The following FAM135B variants were observed in gnomAD, a reference collection of about 807,000 sequenced individuals.
FAM135B encodes the protein family with sequence similarity 135 member B.
Under a neutral mutation model 127.7 loss-of-function variants are expected in FAM135B, and 43 were observed. That is an observed-to-expected ratio of 0.34 (90% CI 0.26 to 0.43). The LOEUF (loss-of-function observed/expected upper bound fraction) is 0.43. FAM135B is among the 20% of genes least tolerant of loss of function. The pLI is 1.00. For synonymous variants in FAM135B, 670 were observed against 665.1 expected (o/e 1.01, Z -0.11); for missense variants, 1,558 against 1,725.6 (o/e 0.90, Z 1.72).
intron 12 of FAM135B, among the ~76,000 whole-genome samples, chr8:138,155,277 C>A (rs1326395236): frequency 3.9e-5 from 6 of 152,186 alleles, no homozygotes; most frequent in Non-Finnish European, 5.9e-5. Context: ...GCCTGCCTTA[C>A]AAGAGCTCCT....
chr8:138,371,472 C>T (rs1359396563), intron 1 of FAM135B, among the ~76,000 whole-genome samples: 1 of 152,104 alleles, frequency 6.6e-6, no homozygotes, highest in African/African-American at 2.4e-5. Flanking sequence ...AAAGACTGTC[C>T]AGGAAAGTCC....
intron 3 of FAM135B, among the ~76,000 whole-genome samples, chr8:138,292,816 C>G (rs1825211594): frequency 1.3e-5 from 2 of 151,884 alleles, no homozygotes; most frequent in South Asian, 4.2e-4. Context: ...TGAAAATGAC[C>G]ATTTGAAACT....
intron 3 of FAM135B, among the ~76,000 whole-genome samples, chr8:138,301,771 C>T (rs2130847934): frequency 6.6e-6 from 1 of 152,322 alleles, no homozygotes; most frequent in South Asian, 2.1e-4. Context: ...GTTAAAAAGA[C>T]CTGGATGACT....
intron 2 of FAM135B, among the ~76,000 whole-genome samples, chr8:138,350,943 C>G (rs1226766664): frequency 6.6e-6 from 1 of 152,156 alleles, no homozygotes; most frequent in African/African-American, 2.4e-5. Flanking sequence ...TCCCCAAAGT[C>G]ATCATTCACC....
intron 3 of FAM135B, among the ~76,000 whole-genome samples, chr8:138,309,185 G>A (rs985873824): frequency 6.6e-6 from 1 of 152,170 alleles, no homozygotes. Context: ...ACGCAGGGCA[G>A]GGTCCAAATC....
intron 1 of FAM135B, among the ~76,000 whole-genome samples, chr8:138,395,405 C>G (rs1414576684): frequency 6.6e-6 from 1 of 152,018 alleles, no homozygotes; most frequent in African/African-American, 2.4e-5. Context: ...AGCCAGAGAG[C>G]TACAGAACCA....
intron 12 of FAM135B, among the ~76,000 whole-genome samples, chr8:138,156,694 T>C (rs191455861): frequency 1.1e-3 from 169 of 152,228 alleles, no homozygotes; most frequent in Admixed American, 4.3e-3. Context: ...CTAGAAAATA[T>C]AGAAGAAATG....
intron 1 of FAM135B, among the ~76,000 whole-genome samples, chr8:138,423,877 A>G (rs1409384119): frequency 1.3e-5 from 2 of 152,108 alleles, no homozygotes; most frequent in African/African-American, 4.8e-5. Context: ...TTAGAGGCCT[A>G]CCCTCAGGGG....
intron 1 of FAM135B, among the ~76,000 whole-genome samples, chr8:138,455,371 T>C (rs1836717439): frequency 6.6e-6 from 1 of 152,214 alleles, no homozygotes; most frequent in Non-Finnish European, 1.5e-5. Context: ...ATATTCTTCA[T>C]GTTCCAAGTA....
intron 5 of FAM135B, among the ~76,000 whole-genome samples, chr8:138,252,058 G>T (rs1389905543): frequency 6.6e-6 from 1 of 152,202 alleles, no homozygotes; most frequent in Non-Finnish European, 1.5e-5. Flanking sequence ...TTAGAGCTCA[G>T]GGTGACTCCA....
intron 3 of FAM135B, among the ~76,000 whole-genome samples, chr8:138,302,376 T>C (rs779239559): frequency 3.9e-5 from 6 of 152,058 alleles, no homozygotes; most frequent in Non-Finnish European, 7.4e-5. Flanking sequence ...TTGTCCCTCA[T>C]CCCTAGATTT....
chr8:138,281,393 T>C (rs1341360958), intron 3 of FAM135B, among the ~76,000 whole-genome samples: 1 of 152,080 alleles, frequency 6.6e-6, no homozygotes, highest in Non-Finnish European at 1.5e-5. Flanking sequence ...CTCTACTGGC[T>C]GTTTTCATTT....
intron 7 of FAM135B, among the ~76,000 whole-genome samples, chr8:138,214,374 T>A (rs1309303653): frequency 6.6e-6 from 1 of 152,222 alleles, no homozygotes; most frequent in African/African-American, 2.4e-5. Context: ...TATTCAAGAA[T>A]CACTTATTGG....
intron 1 of FAM135B, among the ~76,000 whole-genome samples, chr8:138,467,544 C>T (rs1053956444): frequency 2.6e-5 from 4 of 152,164 alleles, no homozygotes; most frequent in African/African-American, 9.7e-5. Context: ...GACAGTATTG[C>T]CTTAGACCTC....
intron 9 of FAM135B, among the ~76,000 whole-genome samples, chr8:138,195,019 C>T (rs1336881168): frequency 6.6e-6 from 1 of 152,096 alleles, no homozygotes; most frequent in African/African-American, 2.4e-5. Flanking sequence ...GCCTAAGCTT[C>T]GGGGAAACAA....
At chr8:138,407,673 A>G (rs1482659011) in intron 1 of FAM135B, among the ~76,000 whole-genome samples, 1 of 152,220 alleles carries the variant, frequency 6.6e-6, no homozygotes, top group Non-Finnish European at 1.5e-5. Context: ...TTCCCTATTT[A>G]ATAAATGGTG....
chr8:138,486,458 C>T (rs1270105208), intron 1 of FAM135B, among the ~76,000 whole-genome samples: 3 of 152,172 alleles, frequency 2.0e-5, no homozygotes, highest in Non-Finnish European at 4.4e-5. Context: ...ACTGAGCTGG[C>T]ACTCTATCAC....
At chr8:138,138,944 A>G in intron 18 of FAM135B, 42 bp downstream of exon 18, 1 of 1,240,314 alleles carries the variant, frequency 8.1e-7, no homozygotes, top group East Asian at 2.3e-5. Context: ...GTTGAATCCC[A>G]AGCTCAAACT....
At chr8:138,368,538 C>T (rs1205576921) in intron 1 of FAM135B, among the ~76,000 whole-genome samples, 2 of 152,018 alleles carry the variant, frequency 1.3e-5, no homozygotes, top group Admixed American at 1.3e-4. Context: ...TTTTTGCTAC[C>T]ATTGTTAATA....
Sources: allele counts gnomAD v4.1 joint callset (sites outside exome capture counted in the v4.1 genomes callset), GRCh38; gene constraint gnomAD v4.1.1; transcripts MANE v1.5; gene names NCBI Gene and HGNC (gene_info 2026-07-23, HGNC 2026-07-21).